Variants in NTM observed in about 807,000 individuals in gnomAD.
NTM encodes neurotrimin, also known as IgLON family member 2.
In NTM, 13 loss-of-function variants were observed where a neutral mutation model predicts 42.1. The ratio of observed to expected loss-of-function variants is 0.31; its 90% CI spans 0.20 to 0.49. The LOEUF (loss-of-function observed/expected upper bound fraction) is 0.49. NTM is among the 20% of genes least tolerant of loss of function. The probability of loss-of-function intolerance (pLI) is 0.99; values close to 1 mark genes in which losing one functional copy is unlikely to be tolerated. For synonymous variants in NTM, 187 were observed against 179.2 expected (o/e 1.04, Z -0.35); for missense variants, 373 against 452.8 (o/e 0.82, Z 1.60).
intron 1 of NTM, among the ~76,000 whole-genome samples, chr11:131,870,758 C>G (rs561434284): frequency 6.6e-6 from 1 of 152,294 alleles, no homozygotes; most frequent in Admixed American, 6.5e-5. Context: ...CACAGCATTT[C>G]TCAATCAGAA....
chr11:132,093,555 T>C (rs1053471399), intron 2 of NTM, among the ~76,000 whole-genome samples: 1 of 152,208 alleles, frequency 6.6e-6, no homozygotes, highest in Non-Finnish European at 1.5e-5. Flanking sequence ...CCAGAATAGC[T>C]TTCTTTAACA....
chr11:131,697,959 C>T (rs996480683), intron 1 of NTM, among the ~76,000 whole-genome samples: 18 of 152,142 alleles, frequency 1.2e-4, no homozygotes. Context: ...ATATTTGCCT[C>T]TGTCAGGGGC....
At chr11:131,703,580 G>T (rs779335018) in intron 1 of NTM, among the ~76,000 whole-genome samples, 5 of 152,166 alleles carry the variant, frequency 3.3e-5, no homozygotes, top group Admixed American at 3.3e-4. Flanking sequence ...CCCAGCTCTT[G>T]TCTCCTCACA....
intron 1 of NTM, among the ~76,000 whole-genome samples, chr11:131,694,587 C>T (rs553377722): frequency 1.1e-4 from 17 of 152,040 alleles, no homozygotes; most frequent in African/African-American, 4.1e-4. Flanking sequence ...CGGGAAAGGG[C>T]GTGCAAGGCT....
chr11:132,308,560 C>G (rs1441529076), intron 5 of NTM, among the ~76,000 whole-genome samples: 1 of 152,058 alleles, frequency 6.6e-6, no homozygotes, highest in Non-Finnish European at 1.5e-5. Flanking sequence ...GAGGTTTTCT[C>G]TGCTGTGCAC....
At chr11:131,597,956 T>C (rs1027313622) in intron 1 of NTM, among the ~76,000 whole-genome samples, 2 of 152,164 alleles carry the variant, frequency 1.3e-5, no homozygotes, top group African/African-American at 4.8e-5. Flanking sequence ...GCCACAAAAC[T>C]GGAAACGTGG....
chr11:131,622,694 C>A (rs1162813975), intron 1 of NTM, among the ~76,000 whole-genome samples: 1 of 152,084 alleles, frequency 6.6e-6, no homozygotes, highest in African/African-American at 2.4e-5. Context: ...TGCCCCTAGG[C>A]CACTGTTTTC....
intron 2 of NTM, among the ~76,000 whole-genome samples, chr11:132,055,464 A>C (rs894771184): frequency 6.6e-6 from 1 of 152,118 alleles, no homozygotes; most frequent in Admixed American, 6.5e-5. Flanking sequence ...GAATAGAAAC[A>C]TGTTTATTAG....
At chr11:131,447,442 A>G (rs991444129) in intron 1 of NTM, among the ~76,000 whole-genome samples, 1 of 152,168 alleles carries the variant, frequency 6.6e-6, no homozygotes, top group Admixed American at 6.5e-5. Flanking sequence ...TCTAATTTCA[A>G]TTAGAGCGCT....
At chr11:131,648,173 G>A (rs927529901) in intron 1 of NTM, among the ~76,000 whole-genome samples, 1 of 152,152 alleles carries the variant, frequency 6.6e-6, no homozygotes, top group East Asian at 1.9e-4. Context: ...CCATGTTGCC[G>A]CAAAGGATGG....
At chr11:131,872,417 C>T (rs1160540833) in intron 1 of NTM, among the ~76,000 whole-genome samples, 1 of 152,168 alleles carries the variant, frequency 6.6e-6, no homozygotes, top group African/African-American at 2.4e-5. Flanking sequence ...TCTTGATTCC[C>T]CAAAAGGGCC....
chr11:131,721,961 T>C (rs2078391173), intron 1 of NTM, among the ~76,000 whole-genome samples: 1 of 126,754 alleles, frequency 7.9e-6, no homozygotes. Context: ...ATCGTGCCAT[T>C]GCACTCCAGC....
At chr11:131,851,442 T>C (rs2045529310) in intron 1 of NTM, among the ~76,000 whole-genome samples, 1 of 152,162 alleles carries the variant, frequency 6.6e-6, no homozygotes, top group African/African-American at 2.4e-5. Flanking sequence ...ACATTTTCAT[T>C]CACCATGGAT....
chr11:132,079,135 C>T (rs2058717880), intron 2 of NTM, among the ~76,000 whole-genome samples: 1 of 152,198 alleles, frequency 6.6e-6, no homozygotes, highest in South Asian at 2.1e-4. Context: ...TAGACTTAGA[C>T]ATTCTCTAGC....
intron 3 of NTM, among the ~76,000 whole-genome samples, chr11:132,172,599 C>T (rs1030257041): frequency 6.6e-6 from 1 of 152,152 alleles, no homozygotes; most frequent in Non-Finnish European, 1.5e-5. Context: ...ATTGGAAAGG[C>T]TCGCCATGAT....
intron 1 of NTM, among the ~76,000 whole-genome samples, chr11:131,524,335 G>T (rs2050165844): frequency 6.6e-6 from 1 of 152,174 alleles, no homozygotes; most frequent in Non-Finnish European, 1.5e-5. Flanking sequence ...CGAAGGTGGG[G>T]GCTCTCGGTC....
intron 1 of NTM, among the ~76,000 whole-genome samples, chr11:131,689,940 T>G (rs2074440125): frequency 2.0e-5 from 3 of 152,174 alleles, no homozygotes; most frequent in Non-Finnish European, 4.4e-5. Context: ...CGTCCACATA[T>G]GATGAAATTC....
chr11:131,829,282 C>A (rs964074299), intron 1 of NTM, among the ~76,000 whole-genome samples: 5 of 152,008 alleles, frequency 3.3e-5, no homozygotes, highest in African/African-American at 1.2e-4. Flanking sequence ...ACAATTGATC[C>A]CATTACTCAG....
intron 2 of NTM, among the ~76,000 whole-genome samples, chr11:132,142,600 C>T (rs981589487): frequency 4.6e-5 from 7 of 152,076 alleles, no homozygotes; most frequent in African/African-American, 1.4e-4. Context: ...AGTTGGCTGC[C>T]GAGGTACCTT....
Sources: allele counts gnomAD v4.1 joint callset (sites outside exome capture counted in the v4.1 genomes callset), GRCh38; gene constraint gnomAD v4.1.1; transcripts MANE v1.5; gene names NCBI Gene and HGNC (gene_info 2026-07-23, HGNC 2026-07-21).